Variants in KHDRBS2 observed in about 807,000 individuals in gnomAD.
KHDRBS2 encodes the protein KH RNA binding domain containing, signal transduction associated 2, also known as KH domain-containing, RNA-binding, signal transduction-associated protein 2.
KHDRBS2 carries 26 observed loss-of-function variants against 44.3 expected under a neutral mutation model. The observed-to-expected ratio is 0.59, with a 90% CI of 0.43 to 0.81. The LOEUF (loss-of-function observed/expected upper bound fraction) is 0.81, where lower values mean the gene tolerates loss of function less well. KHDRBS2 is among the 40% of genes least tolerant of loss of function. KHDRBS2 has a pLI of 0.00. For missense variants in KHDRBS2, 476 were observed against 433.1 expected, an observed-to-expected ratio of 1.10 and a Z score of -0.88; for synonymous variants, 194 against 151.1, an observed-to-expected ratio of 1.28 and a Z score of -2.08.
chr6:61,893,709 T>A (rs1451172160), intron 6 of KHDRBS2, among the ~76,000 whole-genome samples: 2 of 151,698 alleles, frequency 1.3e-5, no homozygotes, highest in Non-Finnish European at 2.9e-5. Context: ...TGGGAACACA[T>A]GGACACAGGA....
intron 6 of KHDRBS2, among the ~76,000 whole-genome samples, chr6:61,773,034 C>T: frequency 6.6e-6 from 1 of 152,182 alleles, no homozygotes; most frequent in East Asian, 1.9e-4. Context: ...TTCATCCAGT[C>T]TATCATTGTT....
At chr6:62,063,294 T>C (rs866291022) in intron 2 of KHDRBS2, among the ~76,000 whole-genome samples, 2 of 150,140 alleles carry the variant, frequency 1.3e-5, no homozygotes, top group Admixed American at 1.3e-4. Flanking sequence ...CCAGCATCAT[T>C]CTGATACCAA....
intron 1 of KHDRBS2, among the ~76,000 whole-genome samples, chr6:62,180,947 G>C (rs1486747945): frequency 2.0e-5 from 3 of 150,764 alleles, no homozygotes; most frequent in Middle Eastern, 3.2e-3. Flanking sequence ...GAGAAAAAAA[G>C]TCTCTTCAAT....
At chr6:61,981,500 T>G (rs923444670) in intron 3 of KHDRBS2, among the ~76,000 whole-genome samples, 8 of 152,224 alleles carry the variant, frequency 5.3e-5, no homozygotes, top group Non-Finnish European at 1.0e-4. Flanking sequence ...GTTGTTGCTG[T>G]TTTTCTCTCT....
chr6:61,901,951 A>ATTAT (rs902604984), intron 4 of KHDRBS2, among the ~76,000 whole-genome samples: 11 of 152,028 alleles, frequency 7.2e-5, no homozygotes, highest in Admixed American at 3.9e-4. Context: ...ATTTATTTTC[A>ATTAT]TTATTTATTT....
the KHDRBS2 span, among the ~76,000 whole-genome samples, chr6:61,669,692 T>C: frequency 6.6e-6 from 1 of 151,108 alleles, no homozygotes; most frequent in Non-Finnish European, 1.5e-5. Flanking sequence ...CAAACCTGCA[T>C]GATTTTAATT....
chr6:62,054,915 G>T (rs1789917535), intron 2 of KHDRBS2, among the ~76,000 whole-genome samples: 1 of 151,960 alleles, frequency 6.6e-6, no homozygotes, highest in Non-Finnish European at 1.5e-5. Context: ...AAGGAAAGAA[G>T]GAGCTACGTA....
chr6:62,071,372 T>C (rs1795041933), intron 2 of KHDRBS2, among the ~76,000 whole-genome samples: 1 of 152,346 alleles, frequency 6.6e-6, no homozygotes, highest in African/African-American at 2.4e-5. Context: ...ATTTTGGCTT[T>C]TGTTGCCATT....
At chr6:62,163,219 G>A (rs1039613603) in intron 2 of KHDRBS2, among the ~76,000 whole-genome samples, 2 of 151,992 alleles carry the variant, frequency 1.3e-5, no homozygotes, top group African/African-American at 4.8e-5. Context: ...GGAAGCCAAT[G>A]AAGACAATGC....
chr6:61,814,561 G>A lies in KHDRBS2; in HGVS notation c.810+80074C>T, dbSNP rs548008717. Among the ~76,000 whole-genome samples the A allele has an allele frequency of 1.3e-4, 20 of 152,152 alleles. 1 individual carries two copies. Among genetic ancestry groups the A allele is most frequent in the Admixed American group, 5.9e-4 (9 of 15,280 alleles). ...TTGGAGGTTGCAGTCAGCCGAGATC[G>A]CACCATGGCACTCCAGCCTGGTGAC... On this transcript the variant is annotated intron_variant, in intron 6 of 8. Coordinates refer to ENST00000281156, the MANE Select transcript of KHDRBS2 (RefSeq NM_152688.4).
the KHDRBS2 span, among the ~76,000 whole-genome samples, chr6:61,549,485 T>C: frequency 6.6e-6 from 1 of 152,206 alleles, no homozygotes; most frequent in African/African-American, 2.4e-5. Context: ...CATGTTAATA[T>C]ACTACTTCTG....
intron 4 of KHDRBS2, among the ~76,000 whole-genome samples, chr6:61,962,592 T>C (rs1285265308): frequency 1.3e-5 from 2 of 152,108 alleles, no homozygotes; most frequent in Admixed American, 6.6e-5. Flanking sequence ...TTTTTCAACA[T>C]TAAACTTGTA....
At chr6:61,848,548 TATACATATATATATGTATATATATATAC>T (rs1794916059) in intron 6 of KHDRBS2, among the ~76,000 whole-genome samples, 21 of 53,564 alleles carry the variant, frequency 3.9e-4, no homozygotes, top group African/African-American at 7.3e-4. Flanking sequence ...TATGTATATA[TATACATATATATATGTATATATATATAC>T]ATATATATAT....
At position 61,726,158 on chromosome 6, in the gene KHDRBS2, A is replaced by C. The variant is rs529709412; in HGVS notation, c.893+6524T>G. 1.3e-4 allele frequency among the ~76,000 whole-genome samples: 20 copies of C among 151,936 alleles called. No individual in the cohort carries two copies. The South Asian group carries it at 2.7e-3, about 21-fold the overall frequency. On this transcript the variant is annotated intron_variant, in intron 7 of 8. Transcript: ENST00000281156. ...GTTGGTTCAACATACAGATATCAAT[A>C]AATTTGGTTCATCGCATAAACAGAA...
intron 2 of KHDRBS2, among the ~76,000 whole-genome samples, chr6:62,143,482 C>T (rs1452997193): frequency 1.3e-5 from 2 of 151,864 alleles, no homozygotes; most frequent in Non-Finnish European, 2.9e-5. Context: ...CTGTTATTTA[C>T]CACCCATTAA....
chr6:61,921,181 G>A (rs1807997768), intron 4 of KHDRBS2, among the ~76,000 whole-genome samples: 2 of 151,998 alleles, frequency 1.3e-5, no homozygotes, highest in African/African-American at 4.8e-5. Flanking sequence ...TAATATCCTT[G>A]GGCAATGAGC....
rs141784761 is a variant in KHDRBS2 at position 61,763,880 on chromosome 6, G to A, written c.811-31116C>T. On this transcript the variant is annotated intron_variant, in intron 6 of 8. Coordinates refer to ENST00000281156, the MANE Select transcript of KHDRBS2 (RefSeq NM_152688.4). Reference sequence around the variant, plus strand: ...GCAGGACGTGCAGGTTTGTTACATAGGCAAATGTGTGCCATGGTGGTTTGC... The same window carrying A: ...GCAGGACGTGCAGGTTTGTTACATAAGCAAATGTGTGCCATGGTGGTTTGC... Among the ~76,000 whole-genome samples, 26 of 152,196 alleles carry A rather than the reference G, an allele frequency of 1.7e-4. No individual in the cohort carries two copies. In the East Asian group the frequency reaches 4.8e-3, roughly 28 times the overall value.
chr6:62,207,905 G>A (rs1426486445), intron 1 of KHDRBS2, among the ~76,000 whole-genome samples: 1 of 151,886 alleles, frequency 6.6e-6, no homozygotes, highest in Non-Finnish European at 1.5e-5. Flanking sequence ...TTATTTTTTT[G>A]ACAAGAGCAA....
intron 4 of KHDRBS2, among the ~76,000 whole-genome samples, chr6:61,943,345 G>C (rs1438119546): frequency 6.6e-6 from 1 of 151,654 alleles, no homozygotes; most frequent in Non-Finnish European, 1.5e-5. Flanking sequence ...ATACCAAAGA[G>C]AATGGACTCA....
Sources: allele counts gnomAD v4.1 joint callset (sites outside exome capture counted in the v4.1 genomes callset), GRCh38; gene constraint gnomAD v4.1.1; transcripts MANE v1.5; gene names NCBI Gene and HGNC (gene_info 2026-07-23, HGNC 2026-07-21).